GFRA1: variants seen among roughly 807,000 people sequenced by gnomAD.
GFRA1 encodes GDNF family receptor alpha 1.
A neutral mutation model predicts 51.6 loss-of-function variants in GFRA1; 16 were observed. The ratio of observed to expected loss-of-function variants is 0.31; its 90% CI spans 0.21 to 0.47. The LOEUF (loss-of-function observed/expected upper bound fraction) is 0.47, where lower values mean the gene tolerates loss of function less well. Among genes scored for constraint, GFRA1 ranks in the 20% least tolerant of loss-of-function variants. The probability of loss-of-function intolerance (pLI) is 1.00; values close to 1 mark genes in which losing one functional copy is unlikely to be tolerated. For synonymous variants in GFRA1, 270 were observed against 241.3 expected (o/e 1.12, Z -1.10); for missense variants, 530 against 594.3 (o/e 0.89, Z 1.13).
Position 116,089,934 on chromosome 10 carries a change from CAGGAGGAAATCCAATTTCAAAGT to C in GFRA1, c.1016-35_1016-13del. The stretch of plus-strand genomic sequence containing the variant: ...TTGAATTGCATTTTCTGCAGTAAAA[CAGGAGGAAATCCAATTTCAAAGT>C]CAAGCAGCAAACGTAACAGACAGGA... On this transcript the variant is annotated splice_polypyrimidine_tract_variant and intron_variant, in intron 8 of 10. Transcript: ENST00000355422. 1 of 1,606,862 alleles carries C rather than the reference CAGGAGGAAATCCAATTTCAAAGT, an allele frequency of 6.2e-7. No individual in the cohort carries two copies. Among genetic ancestry groups the C allele is most frequent in the East Asian group, 2.2e-5 (1 of 44,654 alleles).
intron 4 of GFRA1, among the ~76,000 whole-genome samples, chr10:116,239,955 A>G (rs1967217828): frequency 6.6e-6 from 1 of 152,180 alleles, no homozygotes; most frequent in Non-Finnish European, 1.5e-5. Context: ...CATCAGACTG[A>G]AAGGTTACAA....
intron 9 of GFRA1, among the ~76,000 whole-genome samples, chr10:116,077,834 C>T (rs1275380672): frequency 1.3e-5 from 2 of 152,356 alleles, no homozygotes; most frequent in African/African-American, 2.4e-5. Flanking sequence ...TGGCAGCTGC[C>T]TTTTGCCAAG....
At chr10:116,212,367 A>C (rs1227025141) in intron 4 of GFRA1, among the ~76,000 whole-genome samples, 1 of 152,014 alleles carries the variant, frequency 6.6e-6, no homozygotes, top group Non-Finnish European at 1.5e-5. Context: ...TAAAAATACA[A>C]AAATTAGCCA....
rs1334111017 is a variant in GFRA1 at position 116,061,717 on chromosome 10, A to T, written c.*2681T>A. On this transcript the variant is annotated 3_prime_UTR_variant, in exon 11 of 11. Transcript: ENST00000355422. The stretch of plus-strand genomic sequence containing the variant: ...ACCCCTGTCTTCAGTGGCACCCCAA[A>T]TGCCCGGACTGAAGGACAGGAAGTA... 3.2e-6 allele frequency: 1 copy of T among 315,606 alleles called. No individual in the cohort carries two copies. The highest frequency in any genetic ancestry group is 5.7e-6 in the Non-Finnish European group (1 of 174,400). The allele number at this position is 315,606 out of a possible 1,614,324, so 19.6% of individuals were successfully genotyped here.
Position 116,060,693 on chromosome 10 carries a change from G to C in GFRA1, c.*3705C>G, listed in dbSNP as rs1419717681. 2.6e-5 allele frequency: 4 copies of C among 152,196 alleles called. No individual in the cohort carries two copies. Among genetic ancestry groups the C allele is most frequent in the Admixed American group, 2.0e-4 (3 of 15,286 alleles). The allele number at this position is 152,196 out of a possible 1,614,324, so 9.4% of individuals were successfully genotyped here. ...AAAGAACAGAGGCAAGAGCAAGACAGATCATGGGGGTATGAATCCAGGAGG... is the reference window on the plus strand; with the variant it reads ...AAAGAACAGAGGCAAGAGCAAGACACATCATGGGGGTATGAATCCAGGAGG... On this transcript the variant is annotated 3_prime_UTR_variant, in exon 11 of 11. Coordinates refer to ENST00000355422, the MANE Select transcript of GFRA1 (RefSeq NM_005264.8).
At chr10:116,236,526 C>A (rs1966883690) in intron 4 of GFRA1, among the ~76,000 whole-genome samples, 1 of 151,876 alleles carries the variant, frequency 6.6e-6, no homozygotes. Flanking sequence ...AAAAAACAGA[C>A]CCAGAAAAAA....
intron 4 of GFRA1, among the ~76,000 whole-genome samples, chr10:116,254,846 C>T (rs879256710): frequency 1.1e-4 from 16 of 152,116 alleles, no homozygotes; most frequent in Non-Finnish European, 2.2e-4. Context: ...AGCTAGTATT[C>T]AAAAAAACAG....
At chr10:116,105,386 T>C (rs1589792849) in intron 6 of GFRA1, among the ~76,000 whole-genome samples, 1 of 152,244 alleles carries the variant, frequency 6.6e-6, no homozygotes, top group African/African-American at 2.4e-5. Flanking sequence ...CAGTGTGAGC[T>C]TGCTTCATGG....
chr10:116,213,474 T>C (rs1036487753), intron 4 of GFRA1, among the ~76,000 whole-genome samples: 8 of 152,222 alleles, frequency 5.3e-5, no homozygotes, highest in East Asian at 1.9e-4. Flanking sequence ...TTTCAGGAGA[T>C]GGAATTCAGG....
In GFRA1 at chr10:116,060,026, A is replaced by C. The variant is rs1359370267; in HGVS notation, c.*4372T>G. 6.6e-6 allele frequency: 1 copy of C among 152,222 alleles called. No individual in the cohort carries two copies. Among genetic ancestry groups the C allele is most frequent in the Admixed American group, 6.5e-5 (1 of 15,280 alleles). The allele number at this position is 152,222 out of a possible 1,614,324, so 9.4% of individuals were successfully genotyped here. A position where few individuals can be genotyped will look rare whatever the true frequency, so the allele number is the denominator to read the frequency against. On this transcript the variant is annotated 3_prime_UTR_variant, in exon 11 of 11. Transcript: ENST00000355422. Reference sequence around the variant, plus strand: ...GGGAGGCCTGAATAATAACGATGAAAGAGAGCTGAATCAGCCAATATCCTG... The same window carrying C: ...GGGAGGCCTGAATAATAACGATGAACGAGAGCTGAATCAGCCAATATCCTG...
chr10:116,155,201 A>G (rs1450037306), intron 5 of GFRA1, among the ~76,000 whole-genome samples: 1 of 152,198 alleles, frequency 6.6e-6, no homozygotes, highest in African/African-American at 2.4e-5. Context: ...AAATAGATTT[A>G]AAACAGGCAA....
At chr10:116,180,610 T>C (rs1032433548) in intron 5 of GFRA1, among the ~76,000 whole-genome samples, 2 of 152,132 alleles carry the variant, frequency 1.3e-5, no homozygotes, top group Admixed American at 1.3e-4. Flanking sequence ...CTAATTATCC[T>C]ATCCTCACTT....
rs1967927053 is a variant in GFRA1 at position 116,247,087 on chromosome 10, C to CT, written c.418+22415dup. On this transcript the variant is annotated intron_variant, in intron 4 of 10. Coordinates refer to ENST00000355422, the MANE Select transcript of GFRA1 (RefSeq NM_005264.8). ...ATTTCAATGTGTCCAAAATGGAACT[C>CT]TAAGTCTACACCCCTGTATGCAAAA... 2.6e-5 allele frequency among the ~76,000 whole-genome samples: 4 copies of CT among 152,308 alleles called. No individual in the cohort carries two copies. The South Asian group carries it at 6.2e-4, about 24-fold the overall frequency.
chr10:116,171,128 T>C (rs900485509), intron 5 of GFRA1, among the ~76,000 whole-genome samples: 8 of 152,042 alleles, frequency 5.3e-5, no homozygotes, highest in African/African-American at 1.9e-4. Flanking sequence ...CCTTTAAGAG[T>C]GTTAGAGGTC....
chr10:116,262,525 A>G (rs1316379564), intron 4 of GFRA1, among the ~76,000 whole-genome samples: 1 of 152,158 alleles, frequency 6.6e-6, no homozygotes, highest in Non-Finnish European at 1.5e-5. Flanking sequence ...GTATACATGT[A>G]TGTACATACA....
chr10:116,223,951 T>C lies in GFRA1; in HGVS notation c.419-12306A>G, dbSNP rs535038104. ...ATTGTCCTTTATATATATATATTTCTTCAAGCATCACAGTTGACACAGCAT... is the reference window on the plus strand; with the variant it reads ...ATTGTCCTTTATATATATATATTTCCTCAAGCATCACAGTTGACACAGCAT... On this transcript the variant is annotated intron_variant, in intron 4 of 10. Coordinates refer to ENST00000355422, the MANE Select transcript of GFRA1 (RefSeq NM_005264.8). Among the ~76,000 whole-genome samples the C allele has an allele frequency of 2.6e-5, 4 of 152,328 alleles. No individual in the cohort carries two copies. The East Asian group carries it at 7.7e-4, about 29-fold the overall frequency.
chr10:116,149,737 A>C (rs1589826400), intron 5 of GFRA1, among the ~76,000 whole-genome samples: 1 of 152,202 alleles, frequency 6.6e-6, no homozygotes, highest in East Asian at 1.9e-4. Context: ...CCTCCTATGT[A>C]CATTTTAGTT....
intron 4 of GFRA1, among the ~76,000 whole-genome samples, chr10:116,214,752 T>A (rs1965445651): frequency 6.6e-6 from 1 of 152,244 alleles, no homozygotes; most frequent in East Asian, 1.9e-4. Flanking sequence ...TGCGTGGTTT[T>A]GACAAGGAGC....
intron 5 of GFRA1, among the ~76,000 whole-genome samples, chr10:116,176,428 C>T (rs1315028476): frequency 6.6e-6 from 1 of 152,028 alleles, no homozygotes; most frequent in Non-Finnish European, 1.5e-5. Flanking sequence ...CCTGATGGCT[C>T]GGTGCTGTCC....
Sources: allele counts gnomAD v4.1 joint callset (sites outside exome capture counted in the v4.1 genomes callset), GRCh38; gene constraint gnomAD v4.1.1; transcripts MANE v1.5; gene names NCBI Gene and HGNC (gene_info 2026-07-23, HGNC 2026-07-21).